Variants in DNAJB8 observed in about 807,000 individuals in gnomAD.
The protein encoded by DNAJB8 is DnaJ heat shock protein family (Hsp40) member B8.
For synonymous variants in DNAJB8, 127 were observed against 127.1 expected, an observed-to-expected ratio of 1.00 and a Z score of 0.00; for missense variants, 354 against 318.9, an observed-to-expected ratio of 1.11 and a Z score of -0.84.
intron 2 of DNAJB8, 107 bp downstream of exon 2, chr3:128,465,169 C>G (rs1328885062): frequency 6.6e-6 from 1 of 152,188 alleles, no homozygotes; most frequent in Non-Finnish European, 1.5e-5. Flanking sequence ...GGAATGGAGA[C>G]AGACTGTAGA....
In DNAJB8 at chr3:128,462,975, A is replaced by G; in HGVS notation, c.271T>C (p.Tyr91His). The change falls in exon 3 of 3, where the codon TAC (tyrosine) becomes CAC (histidine). Residue 91 changes from tyrosine (Y) to histidine (H), a missense_variant. Coordinates refer to ENST00000319153, the MANE Select transcript of DNAJB8 (RefSeq NM_153330.6). ...ATGTCCTCAGGGTTACGGAAGGTGTAGCCGGTGTCGAAGGGGCTGTGGTAG... is the reference window on the plus strand; with the variant it reads ...ATGTCCTCAGGGTTACGGAAGGTGTGGCCGGTGTCGAAGGGGCTGTGGTAG... The part of the protein sequence containing the change: ...TPYHSPFDTG[Y>H]TFRNPEDIFR... 6.2e-7 allele frequency: 1 copy of G among 1,614,162 alleles called. No homozygotes were observed. Among genetic ancestry groups the G allele is most frequent in the Non-Finnish European group, 8.5e-7 (1 of 1,180,024 alleles).
rs1296347038 is a variant in DNAJB8, at chr3:128,463,048, G to A, written c.198C>T (p.Asp66=). 2.5e-6 allele frequency: 4 copies of A among 1,614,128 alleles called. No individual in the cohort carries two copies. Among genetic ancestry groups the A allele is most frequent in the South Asian group, 2.2e-5 (2 of 91,092 alleles). The change falls in exon 3 of 3, where the codon GAC becomes GAT. Residue 66 remains aspartate, a synonymous_variant. Transcript: ENST00000319153. ...CCCGCCAGCTGTCACAGCCAGCACG[G>A]TCATACAGGGAGCGTTTCTTGGAGT... ...LSDSKKRSLY[D]RAGCDSWRAG...
In DNAJB8 at chr3:128,462,982, G is replaced by T. The variant is rs1489687411; in HGVS notation, c.264C>A (p.Asp88Glu). 2 of 1,614,210 alleles carry T rather than the reference G, an allele frequency of 1.2e-6. No individual in the cohort carries two copies. The highest frequency in any genetic ancestry group is 3.3e-5 in the Admixed American group (2 of 60,026). Residue 88 changes from aspartate (D) to glutamate (E), a missense_variant, in exon 3 of 3, where the codon GAC (aspartate) becomes GAA (glutamate). Physicochemically the swap from Asp to Glu is conservative, Grantham distance 45 (BLOSUM62 2). Coordinates refer to ENST00000319153, the MANE Select transcript of DNAJB8 (RefSeq NM_153330.6). ...CAGGGTTACGGAAGGTGTAGCCGGT[G>T]TCGAAGGGGCTGTGGTAGGGCGTGC... is the stretch of plus-strand genomic sequence containing the variant. ...GASTPYHSPF[D>E]TGYTFRNPED...
Position 128,463,218 on chromosome 3 carries a change from C to A in DNAJB8, c.28G>T (p.Val10Leu), listed in dbSNP as rs144365861. ...TCCTCCGGGGAAGCGCTGGCCTGCACGCCCAGCACTTCGTAGTAGTTAGCC... is the reference window on the plus strand; with the variant it reads ...TCCTCCGGGGAAGCGCTGGCCTGCAAGCCCAGCACTTCGTAGTAGTTAGCC... MANYYEVLG[V>L]QASASPEDIK... is the part of the protein sequence containing the mutation. Residue 10 changes from valine to leucine, a missense_variant, in exon 3 of 3, where the codon GTG becomes TTG. Val to Leu is a conservative substitution (Grantham distance 32). Coordinates refer to ENST00000319153, the MANE Select transcript of DNAJB8 (RefSeq NM_153330.6). 6.2e-7 allele frequency: 1 copy of A among 1,613,560 alleles called. No individual in the cohort carries two copies. The highest frequency in any genetic ancestry group is 1.3e-5 in the African/African-American group (1 of 74,902).
Position 128,463,223 on chromosome 3 carries a change from A to G in DNAJB8, c.23T>C (p.Leu8Pro). Reference protein sequence around the residue: MANYYEVLGVQASASPED... With the variant: MANYYEVPGVQASASPED... ...CGGGGAAGCGCTGGCCTGCACGCCCAGCACTTCGTAGTAGTTAGCCATGGC... is the reference window on the plus strand; with the variant it reads ...CGGGGAAGCGCTGGCCTGCACGCCCGGCACTTCGTAGTAGTTAGCCATGGC... The change falls in exon 3 of 3, where the codon CTG (leucine) becomes CCG (proline). Residue 8 changes from leucine (L) to proline (P), a missense_variant. By Grantham distance (98) the Leu-to-Pro change is moderately conservative. Transcript: ENST00000319153. 6.2e-7 allele frequency: 1 copy of G among 1,613,428 alleles called. No individual in the cohort carries two copies. The highest frequency in any genetic ancestry group is 8.5e-7 in the Non-Finnish European group (1 of 1,179,552).
chr3:128,464,751 G>T (rs369747994), intron 2 of DNAJB8, among the ~76,000 whole-genome samples: 3 of 119,590 alleles, frequency 2.5e-5, no homozygotes, highest in South Asian at 2.6e-4. Flanking sequence ...TAGCCTTCCT[G>T]CCTGCCTTCT....
chr3:128,463,385 G>C lies in DNAJB8; in HGVS notation c.-140C>G. On this transcript the variant is annotated 5_prime_UTR_variant, in exon 3 of 3. Coordinates refer to ENST00000319153, the MANE Select transcript of DNAJB8 (RefSeq NM_153330.6). ...GCCTGGCTGGACTCCGCAAGCTCTAGGCAAGATTCTGCCCAGGAGTTCACC... is the reference window on the plus strand; with the variant it reads ...GCCTGGCTGGACTCCGCAAGCTCTACGCAAGATTCTGCCCAGGAGTTCACC... 1.4e-6 allele frequency: 1 copy of C among 708,454 alleles called. No individual in the cohort carries two copies. The highest frequency in any genetic ancestry group is 2.9e-5 in the Admixed American group (1 of 34,518). The allele number at this position is 708,454 out of a possible 1,614,324, so 43.9% of individuals were successfully genotyped here.
chr3:128,464,250 G>A (rs966425720), intron 2 of DNAJB8, 140 bp from the exon 3 acceptor site: 4 of 152,190 alleles, frequency 2.6e-5, no homozygotes, highest in South Asian at 2.1e-4. Context: ...GGATCTTTTC[G>A]GATGTAATTA....
In DNAJB8 at chr3:128,464,876, C is replaced by T. The variant is rs118171112; in HGVS notation, c.-866+400G>A. Among the ~76,000 whole-genome samples the T allele has an allele frequency of 0.017, 2,271 of 133,868 alleles. 179 individuals carry two copies. In the East Asian group the frequency reaches 0.24, roughly 14 times the overall value. The allele number at this position is 133,868 out of a possible 152,430, so 87.8% of individuals were successfully genotyped here. A position where few individuals can be genotyped will look rare whatever the true frequency, so the allele number is the denominator to read the frequency against. On this transcript the variant is annotated intron_variant, in intron 2 of 2. Transcript: ENST00000319153. ...CCCTTCCCCCTCCTTCCTTCATTTC[C>T]TCCTTCCTTCCTTCCTTCCTTCCTC... is the stretch of plus-strand genomic sequence containing the variant.
intron 2 of DNAJB8, among the ~76,000 whole-genome samples, chr3:128,464,383 C>T (rs1449762834): frequency 6.6e-6 from 1 of 152,196 alleles, no homozygotes; most frequent in Non-Finnish European, 1.5e-5. Context: ...GAGGGTTCTC[C>T]CTGCAGCCTC....
In DNAJB8 at chr3:128,465,444, G is replaced by C. The variant is rs117471035; in HGVS notation, c.-1026-8C>G. On this transcript the variant is annotated splice_region_variant and splice_polypyrimidine_tract_variant and intron_variant, in intron 1 of 2. Transcript: ENST00000319153. ...TCCCTTGCAGGCTTGTTCCTGGGGC[G>C]GGAGAAAGATGCTTGCCCTGCACAG... The C allele has an allele frequency of 2.0e-5, 3 of 152,506 alleles. No homozygotes were observed. In the East Asian group the frequency reaches 5.8e-4, roughly 29 times the overall value. The allele number at this position is 152,506 out of a possible 1,614,324, so 9.4% of individuals were successfully genotyped here.
chr3:128,463,762 G>A lies in DNAJB8; in HGVS notation c.-517C>T, dbSNP rs753848050. ...AAAGGTCTGTGGCCGTGGTGGGGGA[G>A]GCGGGCAAGGGCGTCCTGGGTATGT... On this transcript the variant is annotated 5_prime_UTR_variant, in exon 3 of 3. Coordinates refer to ENST00000319153, the MANE Select transcript of DNAJB8 (RefSeq NM_153330.6). 4.2e-5 allele frequency: 7 copies of A among 168,212 alleles called. No homozygotes were observed. The highest frequency in any genetic ancestry group is 8.7e-5 in the Non-Finnish European group (6 of 68,920). The allele number at this position is 168,212 out of a possible 1,614,324, so 10.4% of individuals were successfully genotyped here. A position where few individuals can be genotyped will look rare whatever the true frequency, so the allele number is the denominator to read the frequency against.
In DNAJB8 at chr3:128,462,733, GC is replaced by G; in HGVS notation, c.512del (p.Gly171AlafsTer12). ...TGAACCCCGAGCTGCCAGAACTGGAGCCCCCGAAGGAGGTGGATGAGAAGGT... is the reference window on the plus strand; with the variant it reads ...TGAACCCCGAGCTGCCAGAACTGGAGCCCCGAAGGAGGTGGATGAGAAGGT... ...HTTFSSTSFG[G>X]SSSGSSGFKS... On this transcript the variant is annotated frameshift_variant, in exon 3 of 3. Transcript: ENST00000319153. LOFTEE classifies it low-confidence loss of function (END_TRUNC). 1.2e-6 allele frequency: 2 copies of G among 1,614,126 alleles called. No individual in the cohort carries two copies. Among genetic ancestry groups the G allele is most frequent in the Non-Finnish European group, 1.7e-6 (2 of 1,180,030 alleles).
At chr3:128,466,495 T>C (rs978887365) in intron 1 of DNAJB8, 119 bp downstream of exon 1, 3 of 151,740 alleles carry the variant, frequency 2.0e-5, no homozygotes, top group Non-Finnish European at 4.4e-5. Context: ...TAGAGGGGGG[T>C]GCCGAGGGGT....
rs138090733 is a variant in DNAJB8, at chr3:128,462,984, C to G, written c.262G>C (p.Asp88His). ...GGGTTACGGAAGGTGTAGCCGGTGT[C>G]GAAGGGGCTGTGGTAGGGCGTGCTG... ...GASTPYHSPF[D>H]TGYTFRNPED... The change falls in exon 3 of 3, where the codon GAC becomes CAC. Residue 88 changes from aspartate (D) to histidine (H), a missense_variant. By Grantham distance (81) the Asp-to-His change is moderately conservative. Coordinates refer to ENST00000319153, the MANE Select transcript of DNAJB8 (RefSeq NM_153330.6). 11 of 1,614,010 alleles carry G rather than the reference C, an allele frequency of 6.8e-6. No homozygotes were observed. In the Admixed American group the frequency reaches 1.7e-4, roughly 24 times the overall value.
chr3:128,465,089 C>T (rs910397680), intron 2 of DNAJB8, among the ~76,000 whole-genome samples, 187 bp downstream of exon 2: 1 of 151,810 alleles, frequency 6.6e-6, no homozygotes, highest in African/African-American at 2.4e-5. Flanking sequence ...TCTTTCAGTG[C>T]TCATGGGTGC....
At chr3:128,466,450 G>A (rs1215513573) in intron 1 of DNAJB8, 164 bp downstream of exon 1, 1 of 152,696 alleles carries the variant, frequency 6.5e-6, no homozygotes, top group East Asian at 1.9e-4. Context: ...ATTAATGGAG[G>A]ATGGTGGTGA....
chr3:128,462,497 G>A lies in DNAJB8; in HGVS notation c.*50C>T. The A allele has an allele frequency of 6.5e-7, 1 of 1,547,764 alleles. No individual in the cohort carries two copies. The highest frequency in any genetic ancestry group is 2.3e-5 in the East Asian group (1 of 44,286). ...ATGTCTGCGGCCCCACGTGTTTGCTGCCCCATGCACGGTGGTGGTGGTGGG... is the reference window on the plus strand; with the variant it reads ...ATGTCTGCGGCCCCACGTGTTTGCTACCCCATGCACGGTGGTGGTGGTGGG... On this transcript the variant is annotated 3_prime_UTR_variant, in exon 3 of 3. Transcript: ENST00000319153.
Position 128,463,398 on chromosome 3 carries a change from C to T in DNAJB8, c.-153G>A. 1 of 654,214 alleles carries T rather than the reference C, an allele frequency of 1.5e-6. No individual in the cohort carries two copies. Among genetic ancestry groups the T allele is most frequent in the Non-Finnish European group, 2.6e-6 (1 of 379,120 alleles). 40.5% of individuals were successfully genotyped at this position (654,214 alleles called of 1,614,324 possible). A position where few individuals can be genotyped will look rare whatever the true frequency, so the allele number is the denominator to read the frequency against. On this transcript the variant is annotated 5_prime_UTR_variant, in exon 3 of 3. Coordinates refer to ENST00000319153, the MANE Select transcript of DNAJB8 (RefSeq NM_153330.6). ...CCGCAAGCTCTAGGCAAGATTCTGC[C>T]CAGGAGTTCACCTTTTCGTAGTACC... is the stretch of plus-strand genomic sequence containing the variant.
Sources: gnomAD v4.1 joint callset for allele counts (sites outside exome capture counted in the v4.1 genomes callset) on GRCh38, gnomAD v4.1.1 for gene constraint, MANE v1.5 for transcripts, NCBI Gene and HGNC (gene_info 2026-07-23, HGNC 2026-07-21) for gene names.